The following CNTN5 variants were observed in gnomAD, a reference collection of about 807,000 sequenced individuals.
CNTN5 encodes contactin 5.
CNTN5 carries 77 observed loss-of-function variants against 129.1 expected under a neutral mutation model. The observed-to-expected ratio is 0.60, with a 90% CI of 0.50 to 0.72. The LOEUF (loss-of-function observed/expected upper bound fraction) is 0.72, where lower values mean the gene tolerates loss of function less well. Among genes scored for constraint, CNTN5 ranks in the 30% least tolerant of loss-of-function variants. CNTN5 has a pLI of 0.00. For synonymous variants in CNTN5, 509 were observed against 465.6 expected (o/e 1.09, Z -1.20); for missense variants, 1,478 against 1,328.8 (o/e 1.11, Z -1.75).
Position 99,869,554 on chromosome 11 carries a change from C to T in CNTN5, c.577+24292C>T, listed in dbSNP as rs1948447357. Among the ~76,000 whole-genome samples the T allele has an allele frequency of 2.6e-5, 4 of 152,088 alleles. No homozygotes were observed. The South Asian group carries it at 8.3e-4, about 32-fold the overall frequency. The stretch of plus-strand genomic sequence containing the variant: ...CACTGCCTAAATGTCCTTTCCATCA[C>T]CCAAACGGCAATCATAGTCACTTCT... On this transcript the variant is annotated intron_variant, in intron 6 of 24. Coordinates refer to ENST00000524871, the MANE Select transcript of CNTN5 (RefSeq NM_014361.4).
chr11:100,008,531 T>G (rs1379728967), intron 9 of CNTN5, among the ~76,000 whole-genome samples: 3 of 152,120 alleles, frequency 2.0e-5, no homozygotes, highest in African/African-American at 7.2e-5. Flanking sequence ...TTCTAGGGAC[T>G]GTCATATCTT....
intron 2 of CNTN5, among the ~76,000 whole-genome samples, chr11:99,538,303 T>C (rs1947974599): frequency 6.6e-6 from 1 of 152,126 alleles, no homozygotes; most frequent in Non-Finnish European, 1.5e-5. Flanking sequence ...CTATTTACAG[T>C]GGTTTATTTA....
intron 1 of CNTN5, among the ~76,000 whole-genome samples, chr11:99,032,500 C>T (rs1863447251): frequency 6.6e-6 from 1 of 151,252 alleles, no homozygotes; most frequent in South Asian, 2.1e-4. Flanking sequence ...TTTTGATTTG[C>T]ATTTCTCTGA....
chr11:99,092,233 G>C (rs1866281882), intron 1 of CNTN5, among the ~76,000 whole-genome samples: 1 of 152,030 alleles, frequency 6.6e-6, no homozygotes, highest in Non-Finnish European at 1.5e-5. Context: ...ATTTATCTTA[G>C]AAAAGTTAAT....
intron 3 of CNTN5, among the ~76,000 whole-genome samples, chr11:99,644,878 A>G (rs1329084986): frequency 6.6e-6 from 1 of 152,146 alleles, no homozygotes; most frequent in African/African-American, 2.4e-5. Flanking sequence ...ACAGCTTTAG[A>G]TTCTTATATG....
chr11:100,024,154 T>C (rs975360545), intron 9 of CNTN5, among the ~76,000 whole-genome samples: 2 of 152,114 alleles, frequency 1.3e-5, no homozygotes, highest in African/African-American at 4.8e-5. Context: ...ATGAAGGCAG[T>C]TTCCTTCATG....
intron 3 of CNTN5, among the ~76,000 whole-genome samples, chr11:99,645,493 T>A (rs1951924814): frequency 6.6e-6 from 1 of 151,572 alleles, no homozygotes; most frequent in African/African-American, 2.4e-5. Flanking sequence ...TAAAGACATA[T>A]GTACACGTAT....
intron 1 of CNTN5, among the ~76,000 whole-genome samples, chr11:99,190,938 C>T (rs1208546362): frequency 1.3e-5 from 2 of 151,556 alleles, no homozygotes; most frequent in African/African-American, 2.4e-5. Context: ...AGAGGGATAG[C>T]TTTCACCTTT....
At chr11:99,764,132 T>G (rs1042949949) in intron 3 of CNTN5, among the ~76,000 whole-genome samples, 1 of 152,088 alleles carries the variant, frequency 6.6e-6, no homozygotes, top group Non-Finnish European at 1.5e-5. Flanking sequence ...ATTTTAAAAA[T>G]TATAGACTAT....
At chr11:99,078,433 A>T (rs1865664229) in intron 1 of CNTN5, among the ~76,000 whole-genome samples, 1 of 152,194 alleles carries the variant, frequency 6.6e-6, no homozygotes, top group Admixed American at 6.5e-5. Context: ...CTAGGTATGT[A>T]CCCCAAAGAA....
chr11:99,683,581 T>A (rs576841911), intron 3 of CNTN5, among the ~76,000 whole-genome samples: 18 of 152,046 alleles, frequency 1.2e-4, no homozygotes, highest in African/African-American at 4.1e-4. Context: ...CTTTCCAAAA[T>A]GTTCTTCTTC....
intron 2 of CNTN5, among the ~76,000 whole-genome samples, chr11:99,395,521 G>C (rs1941475029): frequency 6.6e-6 from 1 of 151,826 alleles, no homozygotes. Context: ...AGTTTCTTTT[G>C]CTGTGCAGAA....
intron 2 of CNTN5, among the ~76,000 whole-genome samples, chr11:99,530,968 C>A (rs1016474680): frequency 6.6e-6 from 1 of 152,142 alleles, no homozygotes; most frequent in African/African-American, 2.4e-5. Context: ...TAGAGTCGGG[C>A]GTTGCTGAAA....
At chr11:99,319,041 A>G (rs1865457223) in intron 1 of CNTN5, among the ~76,000 whole-genome samples, 1 of 152,186 alleles carries the variant, frequency 6.6e-6, no homozygotes. Context: ...CCAGATTCTA[A>G]CATTCACTCA....
intron 8 of CNTN5, among the ~76,000 whole-genome samples, chr11:99,977,137 C>T (rs945279310): frequency 6.6e-6 from 1 of 152,158 alleles, no homozygotes; most frequent in Non-Finnish European, 1.5e-5. Flanking sequence ...AAAATACCAC[C>T]AGTCTCCTTG....
intron 1 of CNTN5, among the ~76,000 whole-genome samples, chr11:99,297,630 G>A (rs550619882): frequency 2.6e-5 from 4 of 152,126 alleles, no homozygotes; most frequent in African/African-American, 9.6e-5. Context: ...ACTGCCTTCC[G>A]GGCCTAATGA....
At chr11:99,768,222 G>C (rs1252708368) in intron 3 of CNTN5, among the ~76,000 whole-genome samples, 2 of 151,998 alleles carry the variant, frequency 1.3e-5, no homozygotes, top group Non-Finnish European at 2.9e-5. Context: ...ATTATAGATA[G>C]GTAGATTATA....
At chr11:99,458,541 TA>T (rs1944575178) in intron 2 of CNTN5, among the ~76,000 whole-genome samples, 1 of 152,002 alleles carries the variant, frequency 6.6e-6, no homozygotes, top group African/African-American at 2.4e-5. Context: ...ATATATCTAT[TA>T]TGGATTTGTT....
chr11:99,871,735 CCTG>C (rs1482375408), intron 6 of CNTN5, among the ~76,000 whole-genome samples: 2 of 151,920 alleles, frequency 1.3e-5, no homozygotes, highest in African/African-American at 4.8e-5. Flanking sequence ...TGGAAAAAAT[CCTG>C]CTGAAATGTA....
Sources: allele counts gnomAD v4.1 joint callset (sites outside exome capture counted in the v4.1 genomes callset), GRCh38; gene constraint gnomAD v4.1.1; transcripts MANE v1.5; gene names NCBI Gene and HGNC (gene_info 2026-07-23, HGNC 2026-07-21).